Variants in NTM observed in about 807,000 individuals in gnomAD.
The protein encoded by NTM is neurotrimin, also known as IgLON family member 2.
Under a neutral mutation model 42.1 loss-of-function variants are expected in NTM, and 13 were observed. That is an observed-to-expected ratio of 0.31 (90% confidence interval 0.20 to 0.49). The LOEUF (loss-of-function observed/expected upper bound fraction) is 0.49. Ranked by LOEUF, NTM falls within the 20% of genes least tolerant of loss-of-function variation. The pLI, the probability that NTM is intolerant of heterozygous loss-of-function variation, is 0.99. For synonymous variants in NTM, 187 were observed against 179.2 expected (o/e 1.04, Z -0.35); for missense variants, 373 against 452.8 (o/e 0.82, Z 1.60).
At chr11:131,470,021 A>G (rs1449485756) in intron 1 of NTM, among the ~76,000 whole-genome samples, 1 of 152,188 alleles carries the variant, frequency 6.6e-6, no homozygotes, top group Non-Finnish European at 1.5e-5. Flanking sequence ...ACAAAATTAG[A>G]GGTGAAAGCT....
intron 1 of NTM, among the ~76,000 whole-genome samples, chr11:131,630,297 A>T (rs1414764447): frequency 1.3e-5 from 2 of 152,174 alleles, no homozygotes; most frequent in Non-Finnish European, 2.9e-5. Context: ...CCAGGAGTAG[A>T]TGCTTCTCAA....
chr11:131,634,945 A>G lies in NTM; in HGVS notation c.82+264057A>G, dbSNP rs562836353. Reference sequence around the variant, plus strand: ...TATACAGAAGCTGCATATTCATTTCAATATCATTCACATATGCATATTCTT... The same window carrying G: ...TATACAGAAGCTGCATATTCATTTCGATATCATTCACATATGCATATTCTT... On this transcript the variant is annotated intron_variant, in intron 1 of 8. Coordinates refer to ENST00000683400, the MANE Select transcript of NTM (RefSeq NM_001352005.2). 4.8e-4 allele frequency among the ~76,000 whole-genome samples: 73 copies of G among 152,332 alleles called. No individual in the cohort carries two copies. In the South Asian group the frequency reaches 0.014, roughly 29 times the overall value.
At chr11:132,320,480 A>G (rs947598641) in intron 7 of NTM, among the ~76,000 whole-genome samples, 1 of 152,080 alleles carries the variant, frequency 6.6e-6, no homozygotes, top group Non-Finnish European at 1.5e-5. Flanking sequence ...GGCTTAAAAA[A>G]CGGCGCACCA....
rs201512981 is a variant in NTM, at chr11:131,494,318, AG to A, written c.82+123433del. ...AGCTATGATCAGGTTGTGGGAGGAGAGGGCTATTTGGCATGAGCAGGTGGTA... is the reference window on the plus strand; with the variant it reads ...AGCTATGATCAGGTTGTGGGAGGAGAGGCTATTTGGCATGAGCAGGTGGTA... On this transcript the variant is annotated intron_variant, in intron 1 of 8. Transcript: ENST00000683400. 5.1e-3 allele frequency among the ~76,000 whole-genome samples: 784 copies of A among 152,266 alleles called. 10 individuals carry two copies. The highest frequency in any genetic ancestry group is 0.017 in the African/African-American group (717 of 41,556).
At chr11:132,281,369 TAATC>T (rs1352495285) in intron 4 of NTM, among the ~76,000 whole-genome samples, 4 of 152,228 alleles carry the variant, frequency 2.6e-5, no homozygotes, top group Admixed American at 2.6e-4. Flanking sequence ...AGTGTCTAGG[TAATC>T]AATTCTGTGC....
rs536613404 is a variant in NTM, at chr11:131,436,403, C to T, written c.82+65515C>T. On this transcript the variant is annotated intron_variant, in intron 1 of 8. Transcript: ENST00000683400. ...CTCCGGTAGGATTCGGCTATGAATC[C>T]GTCTGGTCCTGGACTTTTTTTGGTT... Among the ~76,000 whole-genome samples the T allele has an allele frequency of 4.6e-5, 7 of 152,194 alleles. No individual in the cohort carries two copies. The East Asian group carries it at 1.2e-3, about 25-fold the overall frequency.
rs766823942 is a variant in NTM, at chr11:132,041,223, GAGAT to G, written c.168-105051_168-105048del. ...GGTGTGTGTGTGTGAGAGAGAGAGA[GAGAT>G]AGATAGAGAGAGAGAGAGAGAGAGA... On this transcript the variant is annotated intron_variant, in intron 2 of 8. Transcript: ENST00000683400. Among the ~76,000 whole-genome samples, 884 of 106,884 alleles carry G rather than the reference GAGAT, an allele frequency of 8.3e-3. 5 individuals carry two copies. Among genetic ancestry groups the G allele is most frequent in the South Asian group, 0.012 (36 of 2,892 alleles). 70.1% of individuals were successfully genotyped at this position (106,884 alleles called of 152,430 possible).
chr11:131,422,603 C>T (rs891757021), intron 1 of NTM, among the ~76,000 whole-genome samples: 7 of 152,178 alleles, frequency 4.6e-5, no homozygotes, highest in African/African-American at 9.7e-5. Flanking sequence ...CCATCCTCCC[C>T]GCTCCAAATC....
intron 1 of NTM, among the ~76,000 whole-genome samples, chr11:131,387,883 C>A (rs1349712178): frequency 2.6e-5 from 4 of 152,150 alleles, no homozygotes; most frequent in African/African-American, 9.7e-5. Context: ...TCCTGGGGAC[C>A]CCGGTTTCTA....
chr11:131,603,331 G>A (rs10791155), intron 1 of NTM, among the ~76,000 whole-genome samples: 71,839 of 151,652 alleles, frequency 0.47, 17,692 homozygotes, highest in East Asian at 0.61. Context: ...ATGAATAACT[G>A]GGAATCTTAT....
intron 1 of NTM, among the ~76,000 whole-genome samples, chr11:131,847,240 G>A (rs1489240841): frequency 6.6e-6 from 1 of 152,030 alleles, no homozygotes; most frequent in Non-Finnish European, 1.5e-5. Context: ...TTACTCAATA[G>A]CAAACTCAAT....
chr11:131,612,775 G>A (rs529341360), intron 1 of NTM, among the ~76,000 whole-genome samples: 181 of 152,338 alleles, frequency 1.2e-3, no homozygotes, highest in African/African-American at 3.5e-3. Context: ...GTTGGCAGAT[G>A]TGCTGCAGGG....
At chr11:131,737,863 C>T (rs904245303) in intron 1 of NTM, among the ~76,000 whole-genome samples, 7 of 152,064 alleles carry the variant, frequency 4.6e-5, no homozygotes, top group African/African-American at 1.7e-4. Context: ...CCCCAGGTTG[C>T]CATTCTCTAT....
chr11:132,112,117 T>C (rs556763124), intron 2 of NTM, among the ~76,000 whole-genome samples: 3 of 152,350 alleles, frequency 2.0e-5, no homozygotes, highest in Non-Finnish European at 4.4e-5. Context: ...TCTTCTCATC[T>C]CAAAATGCAT....
Position 131,549,334 on chromosome 11 carries a change from A to G in NTM, c.82+178446A>G, listed in dbSNP as rs116118598. On this transcript the variant is annotated intron_variant, in intron 1 of 8. Coordinates refer to ENST00000683400, the MANE Select transcript of NTM (RefSeq NM_001352005.2). Reference sequence around the variant, plus strand: ...AATTGAGTCAGCAAAAATTATGTCTAGGGTCACACCCTATATAGAAGAAAC... The same window carrying G: ...AATTGAGTCAGCAAAAATTATGTCTGGGGTCACACCCTATATAGAAGAAAC... Among the ~76,000 whole-genome samples, 742 of 152,310 alleles carry G rather than the reference A, an allele frequency of 4.9e-3. 6 individuals are homozygous for G. The highest frequency in any genetic ancestry group is 0.014 in the Middle Eastern group (4 of 294).
chr11:132,066,933 G>T (rs909749673), intron 2 of NTM, among the ~76,000 whole-genome samples: 11 of 151,410 alleles, frequency 7.3e-5, no homozygotes, highest in East Asian at 3.9e-4. Flanking sequence ...CCAGGGATTA[G>T]GATGTGCATG....
At chr11:132,113,775 G>A (rs984998508) in intron 2 of NTM, among the ~76,000 whole-genome samples, 2 of 152,094 alleles carry the variant, frequency 1.3e-5, no homozygotes, top group Admixed American at 6.5e-5. Flanking sequence ...GTTGTGCTTC[G>A]AAGGACTCCA....
intron 1 of NTM, among the ~76,000 whole-genome samples, chr11:131,589,045 G>T (rs776883808): frequency 6.6e-6 from 1 of 152,172 alleles, no homozygotes; most frequent in South Asian, 2.1e-4. Flanking sequence ...GTTGGTCTTC[G>T]TCCTGTAGGT....
rs575560209 is a variant in NTM at position 131,712,541 on chromosome 11, C to T, written c.83-199023C>T. 4.6e-5 allele frequency among the ~76,000 whole-genome samples: 7 copies of T among 152,104 alleles called. No individual in the cohort carries two copies. In the South Asian group the frequency reaches 1.5e-3, roughly 32 times the overall value. ...ATAATAGATGGCTTAGGTTTTCTTC[C>T]CCTTCTCTTCCTACTTCTTTGCATT... On this transcript the variant is annotated intron_variant, in intron 1 of 8. Coordinates refer to ENST00000683400, the MANE Select transcript of NTM (RefSeq NM_001352005.2).
Sources: gnomAD v4.1 joint callset for allele counts (sites outside exome capture counted in the v4.1 genomes callset) on GRCh38, gnomAD v4.1.1 for gene constraint, MANE v1.5 for transcripts, NCBI Gene and HGNC (gene_info 2026-07-23, HGNC 2026-07-21) for gene names.